Variants in KCNQ5 observed in about 807,000 individuals in gnomAD.
KCNQ5 encodes the protein potassium voltage-gated channel subfamily Q member 5.
A neutral mutation model predicts 98.2 loss-of-function variants in KCNQ5; 30 were observed. That is an observed-to-expected ratio of 0.31 (90% confidence interval 0.23 to 0.41). KCNQ5 has a LOEUF of 0.41. Ranked by LOEUF, KCNQ5 falls within the 10% of genes least tolerant of loss-of-function variation. The pLI, the probability that KCNQ5 is intolerant of heterozygous loss-of-function variation, is 1.00. For synonymous variants in KCNQ5, 458 were observed against 449.4 expected, an observed-to-expected ratio of 1.02 and a Z score of -0.24; for missense variants, 835 against 1,182.5, an observed-to-expected ratio of 0.71 and a Z score of 4.31.
At chr6:73,002,757 G>A (rs1336743267) in intron 1 of KCNQ5, among the ~76,000 whole-genome samples, 1 of 152,110 alleles carries the variant, frequency 6.6e-6, no homozygotes, top group African/African-American at 2.4e-5. Context: ...ATACATAAAT[G>A]AATGACTGTG....
intron 5 of KCNQ5, among the ~76,000 whole-genome samples, chr6:73,088,038 T>C (rs1774064086): frequency 6.6e-6 from 1 of 150,884 alleles, no homozygotes; most frequent in Admixed American, 6.6e-5. Context: ...TTTTTTTTTT[T>C]CCAGATGGAG....
At chr6:73,172,993 T>C (rs750207970) in intron 11 of KCNQ5, among the ~76,000 whole-genome samples, 1 of 152,216 alleles carries the variant, frequency 6.6e-6, no homozygotes, top group Non-Finnish European at 1.5e-5. Context: ...TTTCTAGAGA[T>C]GACTAAGGAC....
chr6:73,063,283 A>AT (rs1212811084), intron 3 of KCNQ5, among the ~76,000 whole-genome samples: 1 of 152,052 alleles, frequency 6.6e-6, no homozygotes, highest in Non-Finnish European at 1.5e-5. Flanking sequence ...CCGAAGGAGG[A>AT]TTTTTCCTCA....
At chr6:72,755,985 CTT>C (rs1237815387) in intron 1 of KCNQ5, among the ~76,000 whole-genome samples, 1 of 152,168 alleles carries the variant, frequency 6.6e-6, no homozygotes, top group Non-Finnish European at 1.5e-5. Context: ...TGCTCCCAGT[CTT>C]TCTCATAAGC....
chr6:72,922,963 C>T lies in KCNQ5; in HGVS notation c.399-80945C>T, dbSNP rs189847231. On this transcript the variant is annotated intron_variant, in intron 1 of 13. Coordinates refer to ENST00000370398, the MANE Select transcript of KCNQ5 (RefSeq NM_019842.4). The stretch of plus-strand genomic sequence containing the variant: ...AGTAGCTGGGATTACAGGCACCCAC[C>T]ACCACTCCTGGCTAATTTTTGTATT... Among the ~76,000 whole-genome samples, 220 of 152,034 alleles carry T rather than the reference C, an allele frequency of 1.4e-3. 1 individual carries two copies. Among genetic ancestry groups the T allele is most frequent in the Non-Finnish European group, 1.0e-3 (70 of 67,970 alleles).
intron 1 of KCNQ5, among the ~76,000 whole-genome samples, chr6:72,999,168 A>G (rs1022869059): frequency 1.3e-5 from 2 of 152,240 alleles, no homozygotes; most frequent in African/African-American, 2.4e-5. Context: ...TATCTGTTAT[A>G]CAAGCACCCA....
intron 5 of KCNQ5, among the ~76,000 whole-genome samples, chr6:73,084,450 A>G (rs1301463900): frequency 6.6e-6 from 1 of 152,168 alleles, no homozygotes; most frequent in Non-Finnish European, 1.5e-5. Context: ...TTAACTGTAT[A>G]CTGTTAAGTG....
At chr6:72,810,342 G>A (rs1775182568) in intron 1 of KCNQ5, among the ~76,000 whole-genome samples, 1 of 152,198 alleles carries the variant, frequency 6.6e-6, no homozygotes, top group Non-Finnish European at 1.5e-5. Context: ...GAGAGAAGAA[G>A]TGAGAAGTGA....
At chr6:73,109,994 CA>C (rs1462775056) in intron 6 of KCNQ5, among the ~76,000 whole-genome samples, 3 of 151,958 alleles carry the variant, frequency 2.0e-5, no homozygotes, top group Non-Finnish European at 4.4e-5. Context: ...ATCTAGAGCC[CA>C]AAAATATCTC....
At chr6:72,957,681 G>A (rs905233207) in intron 1 of KCNQ5, among the ~76,000 whole-genome samples, 9 of 152,030 alleles carry the variant, frequency 5.9e-5, no homozygotes, top group African/African-American at 9.7e-5. Context: ...TGCTAATGAG[G>A]ATATTTTTAA....
intron 1 of KCNQ5, among the ~76,000 whole-genome samples, chr6:72,784,144 A>G (rs1773621897): frequency 6.6e-6 from 1 of 152,166 alleles, no homozygotes. Context: ...TCGGGTACAC[A>G]TTCAGCCAAG....
chr6:73,112,597 G>A (rs753987971), intron 7 of KCNQ5, among the ~76,000 whole-genome samples: 2 of 152,016 alleles, frequency 1.3e-5, no homozygotes, highest in Non-Finnish European at 2.9e-5. Context: ...CGCCCACCTC[G>A]GCCTCCCAAA....
In KCNQ5 at chr6:73,172,357, T is replaced by G. The variant is rs574961271; in HGVS notation, c.1577+2503T>G. On this transcript the variant is annotated intron_variant, in intron 11 of 13. Coordinates refer to ENST00000370398, the MANE Select transcript of KCNQ5 (RefSeq NM_019842.4). ...CACCCTGGGCAACAGAACAAGACTC[T>G]GTCTCAAAAATAAAAATAAAAATAA... 2.4e-3 allele frequency among the ~76,000 whole-genome samples: 358 copies of G among 149,766 alleles called. 1 individual carries two copies. The highest frequency in any genetic ancestry group is 3.9e-3 in the Non-Finnish European group (263 of 66,634).
At chr6:72,780,093 T>C (rs185989434) in intron 1 of KCNQ5, among the ~76,000 whole-genome samples, 35 of 152,272 alleles carry the variant, frequency 2.3e-4, no homozygotes, top group African/African-American at 7.7e-4. Flanking sequence ...GTTAAAGGCA[T>C]TTATTAAGTA....
intron 1 of KCNQ5, among the ~76,000 whole-genome samples, chr6:72,939,132 G>GA (rs1218950115): frequency 6.6e-6 from 1 of 152,168 alleles, no homozygotes; most frequent in Admixed American, 6.5e-5. Flanking sequence ...GAGCATTACA[G>GA]AACGCTCAGT....
chr6:72,928,801 T>C (rs950199939), intron 1 of KCNQ5, among the ~76,000 whole-genome samples: 1 of 152,144 alleles, frequency 6.6e-6, no homozygotes, highest in African/African-American at 2.4e-5. Context: ...TAAATGCTAA[T>C]ATACCTAGCA....
At chr6:73,012,907 A>T (rs1770151824) in intron 2 of KCNQ5, among the ~76,000 whole-genome samples, 2 of 152,066 alleles carry the variant, frequency 1.3e-5, no homozygotes, top group Admixed American at 1.3e-4. Flanking sequence ...CATAAGGCTG[A>T]TGTGAAAATT....
At chr6:72,962,202 C>T (rs9341393) in intron 1 of KCNQ5, among the ~76,000 whole-genome samples, 7,210 of 56,450 alleles carry the variant, frequency 0.13, 660 homozygotes, top group African/African-American at 0.28. Flanking sequence ...TATATATATA[C>T]ATATATATAT....
At chr6:72,687,547 A>G (rs999303513) in intron 1 of KCNQ5, among the ~76,000 whole-genome samples, 1 of 152,212 alleles carries the variant, frequency 6.6e-6, no homozygotes, top group Non-Finnish European at 1.5e-5. Flanking sequence ...AGAAGTTCAG[A>G]AAAAAGCCAT....
Sources: gnomAD v4.1 joint callset for allele counts (sites outside exome capture counted in the v4.1 genomes callset) on GRCh38, gnomAD v4.1.1 for gene constraint, MANE v1.5 for transcripts, NCBI Gene and HGNC (gene_info 2026-07-23, HGNC 2026-07-21) for gene names.